ZNF365: variants seen among roughly 807,000 people sequenced by gnomAD.
ZNF365 encodes protein ZNF365.
Under a neutral mutation model 35.0 loss-of-function variants are expected in ZNF365, and 22 were observed. The observed-to-expected ratio is 0.63, with a 90% CI of 0.45 to 0.90. The LOEUF is 0.90. ZNF365 is among the 40% of genes least tolerant of loss of function. The pLI, the probability that ZNF365 is intolerant of heterozygous loss-of-function variation, is 0.00. For missense variants in ZNF365, 448 were observed against 500.3 expected, an observed-to-expected ratio of 0.90 and a Z score of 1.00; for synonymous variants, 188 against 196.2, an observed-to-expected ratio of 0.96 and a Z score of 0.35.
At position 62,464,392 on chromosome 10, in the gene ZNF365, T is replaced by C. The variant is rs184257770; in HGVS notation, c.981+4595T>C. On this transcript the variant is annotated intron_variant, in intron 4 of 4. Transcript: ENST00000395255. ...GTAACTAAATCATTTTCTCTGTAATTTGTCTCCATTGTTGGAATTTAAGAT... is the reference window on the plus strand; with the variant it reads ...GTAACTAAATCATTTTCTCTGTAATCTGTCTCCATTGTTGGAATTTAAGAT... Among the ~76,000 whole-genome samples, 184 of 152,344 alleles carry C rather than the reference T, an allele frequency of 1.2e-3. 1 individual carries two copies. The highest frequency in any genetic ancestry group is 4.1e-3 in the African/African-American group (169 of 41,566).
chr10:62,427,189 T>C (rs1801160350), intron 3 of ZNF365, among the ~76,000 whole-genome samples: 2 of 152,206 alleles, frequency 1.3e-5, no homozygotes, highest in Non-Finnish European at 2.9e-5. Context: ...TTTTAGAGTG[T>C]ACTCCTTCTA....
chr10:62,459,258 C>G (rs1840808764), intron 3 of ZNF365, among the ~76,000 whole-genome samples: 1 of 152,182 alleles, frequency 6.6e-6, no homozygotes, highest in Non-Finnish European at 1.5e-5. Flanking sequence ...TCAATGGCAT[C>G]TGGTTTCCAT....
chr10:62,446,310 C>T (rs1203884529), intron 3 of ZNF365, among the ~76,000 whole-genome samples: 1 of 152,126 alleles, frequency 6.6e-6, no homozygotes, highest in East Asian at 1.9e-4. Context: ...GACTTTGAAC[C>T]CGAGTTCTGC....
chr10:62,394,375 A>T (rs555407494), intron 3 of ZNF365, among the ~76,000 whole-genome samples: 26 of 152,200 alleles, frequency 1.7e-4, no homozygotes, highest in Middle Eastern at 3.2e-3. Context: ...CACTGAGAGC[A>T]GTTTCCTCAG....
intron 2 of ZNF365, among the ~76,000 whole-genome samples, chr10:62,380,922 T>C (rs372211297): frequency 1.3e-5 from 2 of 152,236 alleles, no homozygotes; most frequent in East Asian, 3.8e-4. Flanking sequence ...ATATACACTT[T>C]TCTGCAATAT....
chr10:62,402,644 T>C (rs1269597986), downstream of ZNF365, among the ~76,000 whole-genome samples: 2 of 150,616 alleles, frequency 1.3e-5, no homozygotes, highest in Non-Finnish European at 2.9e-5. Flanking sequence ...ATCTAAAAGT[T>C]ATTTTTACAT....
At chr10:62,386,951 A>T (rs1839535999) in intron 2 of ZNF365, among the ~76,000 whole-genome samples, 1 of 152,246 alleles carries the variant, frequency 6.6e-6, no homozygotes. Context: ...AAGGACAGAA[A>T]GTAGAGTCTT....
At chr10:62,465,371 G>A (rs12781954) in intron 4 of ZNF365, among the ~76,000 whole-genome samples, 44,566 of 151,978 alleles carry the variant, frequency 0.29, 6,663 homozygotes, top group South Asian at 0.35. Context: ...CAGCCTGGGC[G>A]CTGTGGATGG....
At chr10:62,468,633 G>A (rs921945422) in intron 4 of ZNF365, among the ~76,000 whole-genome samples, 1 of 152,176 alleles carries the variant, frequency 6.6e-6, no homozygotes, top group African/African-American at 2.4e-5. Flanking sequence ...TTAGCAGTTT[G>A]CAAATGGATA....
chr10:62,396,083 G>C (rs1254113501), intron 3 of ZNF365, among the ~76,000 whole-genome samples: 1 of 152,212 alleles, frequency 6.6e-6, no homozygotes, highest in African/African-American at 2.4e-5. Context: ...GTGGCCTCTT[G>C]TGTTCATGGG....
chr10:62,435,056 A>T (rs11817057), intron 3 of ZNF365, among the ~76,000 whole-genome samples: 71,540 of 151,578 alleles, frequency 0.47, 20,281 homozygotes, highest in East Asian at 0.67. Flanking sequence ...AATAAATAAG[A>T]CCATTTCAGA....
chr10:62,475,602 C>G (rs554679492), intron 4 of ZNF365, among the ~76,000 whole-genome samples: 4 of 152,250 alleles, frequency 2.6e-5, no homozygotes, highest in Non-Finnish European at 5.9e-5. Flanking sequence ...AGAGAGGGAG[C>G]TTGCACTCTT....
At chr10:62,474,523 G>C (rs1033193204) in intron 4 of ZNF365, among the ~76,000 whole-genome samples, 6 of 152,284 alleles carry the variant, frequency 3.9e-5, no homozygotes, top group African/African-American at 1.4e-4. Flanking sequence ...ATTTCTGTGA[G>C]AGCCTATTTT....
chr10:62,418,212 T>C (rs1184846813), intron 3 of ZNF365, among the ~76,000 whole-genome samples: 1 of 152,084 alleles, frequency 6.6e-6, no homozygotes, highest in Non-Finnish European at 1.5e-5. Flanking sequence ...CCCTGGTCAA[T>C]ATTTCTTTTT....
At chr10:62,452,501 G>T (rs758976414) in intron 3 of ZNF365, among the ~76,000 whole-genome samples, 9 of 152,180 alleles carry the variant, frequency 5.9e-5, no homozygotes, top group Non-Finnish European at 1.3e-4. Context: ...TCTCAAAGTG[G>T]AGTACACAGC....
At chr10:62,468,941 C>A (rs1840987828) in intron 4 of ZNF365, among the ~76,000 whole-genome samples, 1 of 152,138 alleles carries the variant, frequency 6.6e-6, no homozygotes, top group Non-Finnish European at 1.5e-5. Flanking sequence ...GGATCAAGAT[C>A]CTGAAACACT....
At chr10:62,396,951 T>G (rs1295833326) in intron 3 of ZNF365, among the ~76,000 whole-genome samples, 1 of 152,180 alleles carries the variant, frequency 6.6e-6, no homozygotes, top group Non-Finnish European at 1.5e-5. Context: ...TTTTTACAAT[T>G]TATACATTGA....
At chr10:62,456,894 A>C (rs576937892) in intron 3 of ZNF365, among the ~76,000 whole-genome samples, 3 of 152,314 alleles carry the variant, frequency 2.0e-5, no homozygotes, top group African/African-American at 7.2e-5. Context: ...CATTTACTTA[A>C]CATGTGTATG....
chr10:62,407,632 G>A (rs1386581000), intron 3 of ZNF365, among the ~76,000 whole-genome samples: 6 of 152,100 alleles, frequency 3.9e-5, no homozygotes, highest in Non-Finnish European at 8.8e-5. Flanking sequence ...GATTGTTAAA[G>A]TCTTTCTCTG....
Sources: allele counts gnomAD v4.1 joint callset (sites outside exome capture counted in the v4.1 genomes callset), GRCh38; gene constraint gnomAD v4.1.1; transcripts MANE v1.5; gene names NCBI Gene and HGNC (gene_info 2026-07-23, HGNC 2026-07-21).